The following PRDM15 variants were observed in gnomAD, a reference collection of about 807,000 sequenced individuals.
PRDM15 encodes the protein PR domain zinc finger protein 15.
In PRDM15, 64 loss-of-function variants were observed where a neutral mutation model predicts 128.6. The observed-to-expected ratio is 0.50, with a 90% CI of 0.41 to 0.61. PRDM15 has a LOEUF of 0.61. Among genes scored for constraint, PRDM15 ranks in the 20% least tolerant of loss-of-function variants. PRDM15 has a pLI of 0.00. For synonymous variants in PRDM15, 615 were observed against 621.8 expected (o/e 0.99, Z 0.16); for missense variants, 1,242 against 1,569.1 (o/e 0.79, Z 3.52).
chr21:41,827,495 A>G lies in PRDM15; in HGVS notation c.1534+671T>C, dbSNP rs186332346. Among the ~76,000 whole-genome samples, 312 of 152,250 alleles carry G rather than the reference A, an allele frequency of 2.0e-3. 1 individual carries two copies. The highest frequency in any genetic ancestry group is 3.8e-3 in the Non-Finnish European group (261 of 68,026). ...CTCCTGAGTAGCTGGCACTACAAGT[A>G]TGTGCCACCATGCCCAGCTAATTTT... On this transcript the variant is annotated intron_variant, in intron 12 of 23. Transcript: ENST00000398548.
chr21:41,837,560 T>G (rs1488787448), intron 8 of PRDM15, among the ~76,000 whole-genome samples: 1 of 152,084 alleles, frequency 6.6e-6, no homozygotes, highest in South Asian at 2.1e-4. Context: ...GGGTGCTTAG[T>G]GCGGACAGCG....
chr21:41,800,591 G>A lies in PRDM15; in HGVS notation c.*649C>T, dbSNP rs2061392775. On this transcript the variant is annotated 3_prime_UTR_variant, in exon 24 of 24. Transcript: ENST00000398548. Reference sequence around the variant, plus strand: ...TTTGAGCTGGAGTCAGTGACCTCACGTGACCCCTTGCACATGATGACCGTG... The same window carrying A: ...TTTGAGCTGGAGTCAGTGACCTCACATGACCCCTTGCACATGATGACCGTG... The A allele has an allele frequency of 3.3e-5, 5 of 152,222 alleles. No individual in the cohort carries two copies. In the South Asian group the frequency reaches 1.0e-3, roughly 32 times the overall value. The allele number at this position is 152,222 out of a possible 1,614,324, so 9.4% of individuals were successfully genotyped here.
At chr21:41,874,598 C>G (rs1221170656) in intron 1 of PRDM15, among the ~76,000 whole-genome samples, 3 of 147,764 alleles carry the variant, frequency 2.0e-5, no homozygotes, top group Admixed American at 6.9e-5. Flanking sequence ...CACCCCTTCT[C>G]AAAAGCAGAC....
intron 13 of PRDM15, 142 bp from the exon 14 acceptor site, chr21:41,823,591 G>T: frequency 1.2e-6 from 1 of 807,718 alleles, no homozygotes; most frequent in Non-Finnish European, 1.9e-6. Context: ...CAGTTCCTCA[G>T]TGTGTGAGAG....
chr21:41,857,427 G>A (rs780462019), intron 3 of PRDM15, 98 bp from the exon 4 acceptor site: 53 of 1,287,538 alleles, frequency 4.1e-5, no homozygotes, highest in Non-Finnish European at 5.1e-5. Flanking sequence ...GACCGCCAGG[G>A]TTCTTCGGAA....
chr21:41,823,623 G>A (rs1407316478), intron 13 of PRDM15, among the ~76,000 whole-genome samples, 174 bp from the exon 14 acceptor site: 4 of 152,186 alleles, frequency 2.6e-5, no homozygotes, highest in African/African-American at 4.8e-5. Context: ...CACTGATGCC[G>A]GAATAAGGGT....
chr21:41,852,379 C>T (rs1394609842), intron 5 of PRDM15, among the ~76,000 whole-genome samples: 2 of 152,208 alleles, frequency 1.3e-5, no homozygotes, highest in Admixed American at 6.5e-5. Flanking sequence ...GCCCAGGTCC[C>T]GAAGATCACA....
intron 18 of PRDM15, 85 bp downstream of exon 18, chr21:41,819,497 C>T: frequency 7.2e-7 from 1 of 1,381,190 alleles, no homozygotes; most frequent in East Asian, 2.7e-5. Context: ...CCCACACTCC[C>T]AGTTCTCGCT....
intron 11 of PRDM15, among the ~76,000 whole-genome samples, chr21:41,833,714 G>A (rs1167896275): frequency 6.6e-6 from 1 of 152,202 alleles, no homozygotes; most frequent in African/African-American, 2.4e-5. Flanking sequence ...CGGGTTCTAG[G>A]TGACTAACAA....
chr21:41,879,212 CCGGGGCCGGCGGGGCGCACGCCGGGG>C lies in PRDM15; in HGVS notation c.-10+32_-10+57del. The C allele has an allele frequency of 1.0e-5, 8 of 781,928 alleles. No homozygotes were observed. The highest frequency in any genetic ancestry group is 1.2e-5 in the Non-Finnish European group (8 of 648,014). 48.4% of individuals were successfully genotyped at this position (781,928 alleles called of 1,614,324 possible). A position where few individuals can be genotyped will look rare whatever the true frequency, so the allele number is the denominator to read the frequency against. ...GGCTCGCGGGGGCAGCGGGTGCGGC[CCGGGGCCGGCGGGGCGCACGCCGGGG>C]CGGGCGGCGGGCGCAGGGCCCGGAG... On this transcript the variant is annotated intron_variant, in intron 1 of 23. Transcript: ENST00000398548. The surrounding 1 kb of genome is among the most constrained non-coding windows in gnomAD (Gnocchi z 5.1).
chr21:41,835,420 G>A lies in PRDM15; in HGVS notation c.1366+17C>T, dbSNP rs760223974. Reference sequence around the variant, plus strand: ...TACCGCACAGCGGCCGAGGGGAGACGTGACCGGCGCCCTCACCTGTCCTGC... The same window carrying A: ...TACCGCACAGCGGCCGAGGGGAGACATGACCGGCGCCCTCACCTGTCCTGC... On this transcript the variant is annotated intron_variant, in intron 11 of 23. Coordinates refer to ENST00000398548, the MANE Select transcript of PRDM15 (RefSeq NM_001040424.3). 3.4e-5 allele frequency: 54 copies of A among 1,599,322 alleles called. No homozygotes were observed. Among genetic ancestry groups the A allele is most frequent in the Non-Finnish European group, 4.3e-5 (51 of 1,173,844 alleles).
chr21:41,818,009 G>A (rs1223277612), intron 18 of PRDM15, among the ~76,000 whole-genome samples: 3 of 152,230 alleles, frequency 2.0e-5, no homozygotes. Context: ...GGGACCTGCA[G>A]GGGACCCAGG....
rs1228741806 is a variant in PRDM15 at position 41,811,281 on chromosome 21, A to G, written c.2393-445T>C. The G allele has an allele frequency of 1.2e-5, 2 of 172,842 alleles. No homozygotes were observed. Among genetic ancestry groups the G allele is most frequent in the Non-Finnish European group, 2.5e-5 (2 of 79,216 alleles). 10.7% of individuals were successfully genotyped at this position (172,842 alleles called of 1,614,324 possible). A position where few individuals can be genotyped will look rare whatever the true frequency, so the allele number is the denominator to read the frequency against. On this transcript the variant is annotated intron_variant, in intron 19 of 23. Transcript: ENST00000398548. This position sits in a 1 kb window ranked among gnomAD's most constrained non-coding sequence, Gnocchi z 4.1. ...CACAGACGAGCCAAGCGTAAAAGAC[A>G]ACAGAACTGCCGTGCTCGGACAAAA...
In PRDM15 at chr21:41,823,152, A is replaced by C. The variant is rs1370920577; in HGVS notation, c.1761+166T>G. 4 of 882,514 alleles carry C rather than the reference A, an allele frequency of 4.5e-6. No homozygotes were observed. In the South Asian group the frequency reaches 5.7e-5, roughly 13 times the overall value. The allele number at this position is 882,514 out of a possible 1,614,324, so 54.7% of individuals were successfully genotyped here. A position where few individuals can be genotyped will look rare whatever the true frequency, so the allele number is the denominator to read the frequency against. On this transcript the variant is annotated intron_variant, in intron 14 of 23. Coordinates refer to ENST00000398548, the MANE Select transcript of PRDM15 (RefSeq NM_001040424.3). ...AACCAGGAAGTGAGCCTCGCCAGAC[A>C]CCGAATCTATGGGGGCTTTGGGGTC...
At chr21:41,878,902 G>A (rs1275718418) in intron 1 of PRDM15, 3 of 955,514 alleles carry the variant, frequency 3.1e-6, no homozygotes, top group African/African-American at 3.6e-5. Flanking sequence ...GCAGCCCCGC[G>A]GCCCCGCGCT....
chr21:41,861,538 C>G (rs766420396), intron 1 of PRDM15: 20 of 1,551,622 alleles, frequency 1.3e-5, no homozygotes, highest in African/African-American at 4.1e-5. Flanking sequence ...TCCTCTGCCC[C>G]CCCCCAATCC....
At chr21:41,808,365 C>A (rs2061747784) in intron 21 of PRDM15, among the ~76,000 whole-genome samples, 1 of 152,232 alleles carries the variant, frequency 6.6e-6, no homozygotes, top group East Asian at 1.9e-4. Flanking sequence ...GCAGAGTATG[C>A]AGCCACGGTC....
At chr21:41,875,381 C>T (rs914881023) in intron 1 of PRDM15, among the ~76,000 whole-genome samples, 1 of 152,278 alleles carries the variant, frequency 6.6e-6, no homozygotes, top group Non-Finnish European at 1.5e-5. Flanking sequence ...CAGCCAGGCT[C>T]TTTGAGTTTT....
intron 23 of PRDM15, among the ~76,000 whole-genome samples, chr21:41,802,032 G>A (rs1200630439): frequency 6.6e-6 from 1 of 152,172 alleles, no homozygotes; most frequent in African/African-American, 2.4e-5. Flanking sequence ...CCTCTGAAGT[G>A]CCCTGCTGTT....
Sources: gnomAD v4.1 joint callset for allele counts (sites outside exome capture counted in the v4.1 genomes callset) on GRCh38, gnomAD v4.1.1 for gene constraint, Gnocchi (gnomAD v3.1) non-coding constraint, MANE v1.5 for transcripts, NCBI Gene and HGNC (gene_info 2026-07-23, HGNC 2026-07-21) for gene names.